The following ATP6V0A2 variants were observed in gnomAD, a reference collection of about 807,000 sequenced individuals.
ATP6V0A2 encodes the protein V-type proton ATPase 116 kDa subunit a 2.
ATP6V0A2 carries 58 observed loss-of-function variants against 104.4 expected under a neutral mutation model. That is an observed-to-expected ratio of 0.56 (90% confidence interval 0.45 to 0.69). ATP6V0A2 has a LOEUF of 0.69. Among genes scored for constraint, ATP6V0A2 ranks in the 30% least tolerant of loss-of-function variants. ATP6V0A2 has a pLI of 0.00. For synonymous variants in ATP6V0A2, 376 were observed against 397.9 expected (o/e 0.95, Z 0.65); for missense variants, 938 against 1,062.9 (o/e 0.88, Z 1.63).
At chr12:123,717,459 T>G (rs926231946) in intron 1 of ATP6V0A2, among the ~76,000 whole-genome samples, 2 of 151,396 alleles carry the variant, frequency 1.3e-5, no homozygotes, top group African/African-American at 4.9e-5. Flanking sequence ...TTTTTTTTTT[T>G]TTTGAGACAG....
chr12:123,730,694 A>G (rs192101912), intron 6 of ATP6V0A2: 1 of 152,146 alleles, frequency 6.6e-6, no homozygotes, highest in Non-Finnish European at 1.5e-5. Context: ...TTTTTTCTTT[A>G]TTAAGAGAAA....
At chr12:123,727,360 C>A (rs1956458023) in intron 5 of ATP6V0A2, among the ~76,000 whole-genome samples, 1 of 151,352 alleles carries the variant, frequency 6.6e-6, no homozygotes, top group Non-Finnish European at 1.5e-5. Context: ...CCTCTAGCAA[C>A]CTCCGCCTCC....
At chr12:123,734,842 T>A (rs1222755603) in intron 7 of ATP6V0A2, among the ~76,000 whole-genome samples, 1 of 152,224 alleles carries the variant, frequency 6.6e-6, no homozygotes, top group Non-Finnish European at 1.5e-5. Context: ...TTTATTTTCA[T>A]AGATAGATAT....
intron 1 of ATP6V0A2, among the ~76,000 whole-genome samples, chr12:123,716,385 T>C (rs1341160501): frequency 1.3e-5 from 2 of 152,212 alleles, no homozygotes; most frequent in Non-Finnish European, 2.9e-5. Flanking sequence ...AAAAAATTAT[T>C]ACCAACATTG....
Position 123,744,928 on chromosome 12 carries a change from A to G in ATP6V0A2, c.1561A>G (p.Ile521Val), listed in dbSNP as rs1398562082. 1.2e-6 allele frequency: 2 copies of G among 1,614,080 alleles called. No homozygotes were observed. The highest frequency in any genetic ancestry group is 1.7e-5 in the Admixed American group (1 of 60,006). Residue 521 changes from isoleucine (I) to valine (V), a missense_variant, in exon 13 of 20, where the codon ATT becomes GTT. Coordinates refer to ENST00000330342, the MANE Select transcript of ATP6V0A2 (RefSeq NM_012463.4). The surrounding 1 kb of genome is among the most constrained non-coding windows in gnomAD (Gnocchi z 5.4). ...CAGCATTTTGCAGCTGGATCCAAGC[A>G]TTCCTGGAGTGTTCCGAGGCCCTTA... ...HNSILQLDPS[I>V]PGVFRGPYPL...
chr12:123,720,731 A>G (rs1374107711), intron 2 of ATP6V0A2, among the ~76,000 whole-genome samples: 1 of 152,040 alleles, frequency 6.6e-6, no homozygotes, highest in African/African-American at 2.4e-5. Flanking sequence ...GGACCTCTCA[A>G]GGAAATTTAG....
At chr12:123,740,605 T>TA (rs1956599903) in intron 9 of ATP6V0A2, among the ~76,000 whole-genome samples, 1 of 152,212 alleles carries the variant, frequency 6.6e-6, no homozygotes, top group African/African-American at 2.4e-5. Context: ...TCTCCTGAAT[T>TA]ATAGTTTTTG....
Position 123,727,796 on chromosome 12 carries a change from C to G in ATP6V0A2, c.535C>G (p.Leu179Val). The G allele has an allele frequency of 6.2e-7, 1 of 1,614,058 alleles. No individual in the cohort carries two copies. Among genetic ancestry groups the G allele is most frequent in the Non-Finnish European group, 8.5e-7 (1 of 1,180,012 alleles). ...LGAKLGFVSG[L>V]INQGKVEAFE... is the part of the protein sequence containing the mutation. Reference sequence around the variant, plus strand: ...ACTGTCTCACAGATTTGTGTCTGGCCTAATTAACCAAGGAAAAGTGGAAGC... The same window carrying G: ...ACTGTCTCACAGATTTGTGTCTGGCGTAATTAACCAAGGAAAAGTGGAAGC... Residue 179 changes from leucine to valine, a missense_variant, in exon 6 of 20, where the codon CTA becomes GTA. Leu to Val is a conservative substitution (Grantham distance 32). Coordinates refer to ENST00000330342, the MANE Select transcript of ATP6V0A2 (RefSeq NM_012463.4).
chr12:123,752,365 A>C lies in ATP6V0A2; in HGVS notation c.2138A>C (p.Gln713Pro). The C allele has an allele frequency of 6.2e-7, 1 of 1,614,188 alleles. No homozygotes were observed. Among genetic ancestry groups the C allele is most frequent in the Non-Finnish European group, 8.5e-7 (1 of 1,180,014 alleles). The change falls in exon 17 of 20, where the codon CAG becomes CCG. Residue 713 changes from glutamine to proline, a missense_variant. Gln to Pro is a moderately conservative substitution (Grantham distance 76). Transcript: ENST00000330342. Reference protein sequence around the residue: ...GSQDIEEGNHQVEDGCREMAC... With the variant: ...GSQDIEEGNHPVEDGCREMAC... The stretch of plus-strand genomic sequence containing the variant: ...CAAGATATAGAAGAGGGAAATCACC[A>C]GGTGGAAGATGGATGTAGAGAAATG...
In ATP6V0A2 at chr12:123,726,235, T is replaced by C. The variant is rs1399961; in HGVS notation, c.471T>C (p.Ser157=). ...ATGAAGAATTCCCTTCCTTAGAGAG[T>C]GATTCTTTGTTGGATTACAGCTGTA... is the stretch of plus-strand genomic sequence containing the variant. ...PTYEEFPSLE[S]DSLLDYSCMQ... Residue 157 remains serine, a synonymous_variant, in exon 5 of 20, where the codon AGT becomes AGC. Transcript: ENST00000330342. 1,025,996 of 1,611,954 alleles carry C rather than the reference T, an allele frequency of 0.64. 330,816 individuals are homozygous for C. The highest frequency in any genetic ancestry group is 0.95 in the East Asian group (42,798 of 44,864).
intron 2 of ATP6V0A2, among the ~76,000 whole-genome samples, chr12:123,720,838 G>A (rs181675829): frequency 7.9e-5 from 12 of 152,056 alleles, no homozygotes; most frequent in East Asian, 1.9e-4. Context: ...CAAGGCTAGC[G>A]TGGGCAACAT....
chr12:123,736,369 T>G (rs1031290093), intron 8 of ATP6V0A2, among the ~76,000 whole-genome samples: 3 of 151,890 alleles, frequency 2.0e-5, no homozygotes, highest in Non-Finnish European at 4.4e-5. Flanking sequence ...TTTTTTTGTA[T>G]TTTTAGTAGA....
chr12:123,716,602 A>G (rs1031469144), intron 1 of ATP6V0A2, among the ~76,000 whole-genome samples: 1 of 151,608 alleles, frequency 6.6e-6, no homozygotes. Flanking sequence ...ACCAGCCTGA[A>G]CAACATGGCG....
chr12:123,718,154 G>A lies in ATP6V0A2; in HGVS notation c.118-469G>A, dbSNP rs138148798. On this transcript the variant is annotated intron_variant, in intron 1 of 19. Transcript: ENST00000330342. ...GCCCAGGTTGGAGTGCAAATGGCACGATCTTGGCTCACTGCAACCTCCGCC... is the reference window on the plus strand; with the variant it reads ...GCCCAGGTTGGAGTGCAAATGGCACAATCTTGGCTCACTGCAACCTCCGCC... Among the ~76,000 whole-genome samples the A allele has an allele frequency of 1.0e-3, 157 of 151,272 alleles. 3 individuals are homozygous for A. The East Asian group carries it at 0.028, about 27-fold the overall frequency.
chr12:123,727,386 C>G (rs1956458324), intron 5 of ATP6V0A2, among the ~76,000 whole-genome samples: 1 of 151,866 alleles, frequency 6.6e-6, no homozygotes, highest in South Asian at 2.1e-4. Flanking sequence ...TCAAGCGATT[C>G]TCCTGCCTCA....
chr12:123,722,019 A>G (rs1956404766), intron 2 of ATP6V0A2, among the ~76,000 whole-genome samples: 1 of 152,178 alleles, frequency 6.6e-6, no homozygotes, highest in Non-Finnish European at 1.5e-5. Context: ...AAGTTCTTTC[A>G]CTAGAATATT....
intron 13 of ATP6V0A2, among the ~76,000 whole-genome samples, chr12:123,746,767 C>T (rs1334478753): frequency 1.3e-5 from 2 of 151,168 alleles, no homozygotes; most frequent in Admixed American, 6.6e-5. Context: ...GCCAACATGG[C>T]GAAACCCTTT....
At position 123,751,125 on chromosome 12, in the gene ATP6V0A2, G is replaced by A. The variant is rs1956709808; in HGVS notation, c.1951G>A (p.Val651Met). ...LYTGQEYVQRVLLVVTALSVP... is the reference protein window; with the variant it reads ...LYTGQEYVQRMLLVVTALSVP... ...GCACTAACAGGAGTATGTCCAGAGAGTGCTGCTGGTTGTCACAGCATTGTC... is the reference window on the plus strand; with the variant it reads ...GCACTAACAGGAGTATGTCCAGAGAATGCTGCTGGTTGTCACAGCATTGTC... The change falls in exon 16 of 20, where the codon GTG becomes ATG. Residue 651 changes from valine to methionine, a missense_variant. Physicochemically the swap from Val to Met is conservative, Grantham distance 21. Transcript: ENST00000330342. 6.2e-7 allele frequency: 1 copy of A among 1,614,186 alleles called. No individual in the cohort carries two copies. The highest frequency in any genetic ancestry group is 2.2e-5 in the East Asian group (1 of 44,874).
At chr12:123,737,673 AAG>A (rs1956568880) in intron 9 of ATP6V0A2, 2 of 280,180 alleles carry the variant, frequency 7.1e-6, no homozygotes, top group African/African-American at 2.2e-5. Context: ...AAAGAAATAA[AAG>A]AGTATGAAAG....
Sources: gnomAD v4.1 joint callset for allele counts (sites outside exome capture counted in the v4.1 genomes callset) on GRCh38, gnomAD v4.1.1 for gene constraint, Gnocchi (gnomAD v3.1) non-coding constraint, MANE v1.5 for transcripts, NCBI Gene and HGNC (gene_info 2026-07-23, HGNC 2026-07-21) for gene names.